SMARCB1: variants seen among roughly 807,000 people sequenced by gnomAD.
SMARCB1 encodes SWI/SNF related BAF chromatin remodeling complex subunit B1, also known as SWI/SNF-related matrix-associated actin-dependent regulator of chromatin subfamily B member 1.
In SMARCB1, 5 loss-of-function variants were observed where a neutral mutation model predicts 49.0. The ratio of observed to expected loss-of-function variants is 0.10; its 90% CI spans 0.05 to 0.21. The LOEUF (loss-of-function observed/expected upper bound fraction) is 0.21, where lower values mean the gene tolerates loss of function less well. SMARCB1 is among the 10% of genes least tolerant of loss of function. The pLI, the probability that SMARCB1 is intolerant of heterozygous loss-of-function variation, is 1.00. For missense variants in SMARCB1, 226 were observed against 509.2 expected, an observed-to-expected ratio of 0.44 and a Z score of 5.35; for synonymous variants, 201 against 200.1, an observed-to-expected ratio of 1.00 and a Z score of -0.04.
intron 3 of SMARCB1, among the ~76,000 whole-genome samples, chr22:23,800,254 C>G (rs1381950842): frequency 1.3e-5 from 2 of 152,260 alleles, no homozygotes; most frequent in Non-Finnish European, 2.9e-5. Flanking sequence ...GAGAAAAGAT[C>G]AAACGCTTCA....
intron 7 of SMARCB1, among the ~76,000 whole-genome samples, chr22:23,830,343 G>A (rs2030588882): frequency 1.3e-5 from 2 of 152,192 alleles, no homozygotes; most frequent in South Asian, 2.1e-4. Flanking sequence ...GTAGCCGTCT[G>A]AGGAGGTGTG....
chr22:23,808,651 C>G (rs915823324), intron 5 of SMARCB1, among the ~76,000 whole-genome samples: 14 of 151,188 alleles, frequency 9.3e-5, no homozygotes, highest in African/African-American at 2.9e-4. Flanking sequence ...ATCTAGAATC[C>G]TGTACCCAGT....
rs1282240231 is a variant in SMARCB1 at position 23,835,851 on chromosome 22, G to A, written c.*1671G>A. On this transcript the variant is annotated 3_prime_UTR_variant, in exon 9 of 9. Coordinates refer to ENST00000644036, the MANE Select transcript of SMARCB1 (RefSeq NM_003073.5). ...GGGCCACCTGGCTGGGAGGTGCCGG[G>A]AAGGCTGGGCCCTCACTCCTGACCG... 2 of 982,518 alleles carry A rather than the reference G, an allele frequency of 2.0e-6. No homozygotes were observed. The highest frequency in any genetic ancestry group is 1.8e-5 in the African/African-American group (1 of 56,470). 60.9% of individuals were successfully genotyped at this position (982,518 alleles called of 1,614,324 possible).
In SMARCB1 at chr22:23,837,981, G is replaced by A. The variant is rs2031237527; in HGVS notation, c.*3801G>A. On this transcript the variant is annotated 3_prime_UTR_variant, in exon 9 of 9. Coordinates refer to ENST00000644036, the MANE Select transcript of SMARCB1 (RefSeq NM_003073.5). ...GCTATTCCCTCATCAAGATGAGCCA[G>A]TCCAATAAAGGCGACACACTCCACG... 1 of 1,242,500 alleles carries A rather than the reference G, an allele frequency of 8.0e-7. No individual in the cohort carries two copies. The highest frequency in any genetic ancestry group is 1.5e-5 in the South Asian group (1 of 66,262). The allele number at this position is 1,242,500 out of a possible 1,614,324, so 77.0% of individuals were successfully genotyped here. A position where few individuals can be genotyped will look rare whatever the true frequency, so the allele number is the denominator to read the frequency against.
Sources: allele counts gnomAD v4.1 joint callset (sites outside exome capture counted in the v4.1 genomes callset), GRCh38; gene constraint gnomAD v4.1.1; transcripts MANE v1.5; gene names NCBI Gene and HGNC (gene_info 2026-07-23, HGNC 2026-07-21).